The following NCOA5 variants were observed in gnomAD, a reference collection of about 807,000 sequenced individuals.
The protein encoded by NCOA5 is nuclear receptor coactivator 5.
A neutral mutation model predicts 59.0 loss-of-function variants in NCOA5; 12 were observed. The ratio of observed to expected loss-of-function variants is 0.20; its 90% CI spans 0.13 to 0.33. NCOA5 has a LOEUF of 0.33. Ranked by LOEUF, NCOA5 falls within the 10% of genes least tolerant of loss-of-function variation. NCOA5 has a pLI of 1.00. For missense variants in NCOA5, 655 were observed against 766.6 expected (o/e 0.85, Z 1.72); for synonymous variants, 270 against 275.5 (o/e 0.98, Z 0.20).
intron 3 of NCOA5, among the ~76,000 whole-genome samples, chr20:46,070,001 C>A (rs926029873): frequency 3.3e-5 from 5 of 152,198 alleles, no homozygotes; most frequent in Admixed American, 2.6e-4. Context: ...TTCTCCATAC[C>A]TTTCCAACAC....
chr20:46,062,309 C>T lies in NCOA5; in HGVS notation c.1731G>A (p.Arg577=). 6.2e-7 allele frequency: 1 copy of T among 1,612,418 alleles called. No homozygotes were observed. The highest frequency in any genetic ancestry group is 8.5e-7 in the Non-Finnish European group (1 of 1,179,150). Residue 577 remains arginine, a synonymous_variant, in exon 8 of 8, where the codon AGG becomes AGA. Transcript: ENST00000290231. ...GTTGAAAGATTTAGCTTCAGTAATG[C>T]CTCTGGTAAGATCCCATGGGGGCCT... is the stretch of plus-strand genomic sequence containing the variant. ...QPQAPMGSYQ[R]HY
At chr20:46,087,100 A>G (rs184928175) in intron 1 of NCOA5, among the ~76,000 whole-genome samples, 153 of 152,368 alleles carry the variant, frequency 1.0e-3, no homozygotes, top group South Asian at 5.2e-3. Context: ...TATCAGTCTC[A>G]TAAGATGACG....
Position 46,062,458 on chromosome 20 carries a change from C to A in NCOA5, c.1582G>T (p.Val528Leu). 5 of 1,614,152 alleles carry A rather than the reference C, an allele frequency of 3.1e-6. No homozygotes were observed. Among genetic ancestry groups the A allele is most frequent in the Non-Finnish European group, 3.4e-6 (4 of 1,180,034 alleles). Residue 528 changes from valine (V) to leucine (L), a missense_variant, in exon 8 of 8, where the codon GTG (valine) becomes TTG (leucine). Val to Leu is a conservative substitution (Grantham distance 32). Coordinates refer to ENST00000290231, the MANE Select transcript of NCOA5 (RefSeq NM_020967.3). ...PASNMTSQRP[V>L]SSTGINFDNP... ...TCAAAGTTGATACCTGTGGAAGACA[C>A]AGGCCTCTGGCTAGTCATGTTGCTA...
intron 1 of NCOA5, among the ~76,000 whole-genome samples, chr20:46,085,055 G>A (rs147873756): frequency 4.1e-4 from 62 of 152,204 alleles, no homozygotes; most frequent in African/African-American, 1.4e-3. Flanking sequence ...AAAAAGAAAG[G>A]GTCTCAGCTC....
At chr20:46,085,197 AT>A (rs35555539) in intron 1 of NCOA5, among the ~76,000 whole-genome samples, 10,474 of 146,988 alleles carry the variant, frequency 0.071, 722 homozygotes, top group East Asian at 0.24. Flanking sequence ...CACGCAGCTA[AT>A]TTTTTTTTTT....
At chr20:46,073,772 T>C (rs1489004115) in intron 2 of NCOA5, among the ~76,000 whole-genome samples, 1 of 152,234 alleles carries the variant, frequency 6.6e-6, no homozygotes. Context: ...TGTTATGTTA[T>C]GATTGGTCCT....
intron 4 of NCOA5, 114 bp from the exon 5 acceptor site, chr20:46,067,295 TA>T: frequency 8.2e-7 from 1 of 1,218,150 alleles, no homozygotes; most frequent in Non-Finnish European, 1.1e-6. Context: ...GTCTATCTCC[TA>T]AAAACAGCCA....
chr20:46,065,033 C>T lies in NCOA5; in HGVS notation c.825G>A (p.Pro275=), dbSNP rs535789165. 1.7e-5 allele frequency: 28 copies of T among 1,613,982 alleles called. 1 individual carries two copies. In the Middle Eastern group the frequency reaches 8.3e-4, roughly 48 times the overall value. Residue 275 remains proline, a synonymous_variant, in exon 6 of 8, where the codon CCG becomes CCA. Transcript: ENST00000290231. ...SCTVNIMFGT[P]QEHRNMPQAD... is the part of the protein sequence containing the mutation. Reference sequence around the variant, plus strand: ...TCCGGTATTCTGACTCTGTACCTTGCGGGGTTCCAAACATGATGTTGACTG... The same window carrying T: ...TCCGGTATTCTGACTCTGTACCTTGTGGGGTTCCAAACATGATGTTGACTG...
In NCOA5 at chr20:46,074,096, A is replaced by G. The variant is rs188451822; in HGVS notation, c.39-3560T>C. On this transcript the variant is annotated intron_variant, in intron 2 of 7. Transcript: ENST00000290231. ...GCAAAGCCTTTTTTCCTTTCTCCAAAAGATAAACACTATGGTAGACTGCTG... is the reference window on the plus strand; with the variant it reads ...GCAAAGCCTTTTTTCCTTTCTCCAAGAGATAAACACTATGGTAGACTGCTG... Among the ~76,000 whole-genome samples the G allele has an allele frequency of 2.0e-5, 3 of 152,314 alleles. No homozygotes were observed. In the East Asian group the frequency reaches 5.8e-4, roughly 29 times the overall value.
At position 46,062,585 on chromosome 20, in the gene NCOA5, T is replaced by C; in HGVS notation, c.1455A>G (p.Pro485=). 6.2e-7 allele frequency: 1 copy of C among 1,614,152 alleles called. No homozygotes were observed. The highest frequency in any genetic ancestry group is 8.5e-7 in the Non-Finnish European group (1 of 1,180,014). The change falls in exon 8 of 8, where the codon CCA becomes CCG. Residue 485 remains proline (P), a synonymous_variant. Coordinates refer to ENST00000290231, the MANE Select transcript of NCOA5 (RefSeq NM_020967.3). Reference sequence around the variant, plus strand: ...CAGATCCTCCCTGTCCCAAAATGCTTGGAGGCTGATTGCCAGAAGCCTGTG... The same window carrying C: ...CAGATCCTCCCTGTCCCAAAATGCTCGGAGGCTGATTGCCAGAAGCCTGTG... ...QRSQASGNQP[P]SILGQGGSAQ...
chr20:46,071,616 G>A (rs764697703), intron 2 of NCOA5, among the ~76,000 whole-genome samples: 4 of 152,122 alleles, frequency 2.6e-5, no homozygotes, highest in Non-Finnish European at 5.9e-5. Context: ...TAATAAATCT[G>A]ACAGCTATTA....
chr20:46,062,597 G>A lies in NCOA5; in HGVS notation c.1443C>T (p.Gly481=). ...GTCCCAAAATGCTTGGAGGCTGATT[G>A]CCAGAAGCCTGTGATCTTTGTTGAG... ...SQPQQRSQAS[G]NQPPSILGQG... Residue 481 remains glycine (G), a synonymous_variant, in exon 8 of 8, where the codon GGC becomes GGT. Transcript: ENST00000290231. 2 of 1,614,230 alleles carry A rather than the reference G, an allele frequency of 1.2e-6. No homozygotes were observed. Among genetic ancestry groups the A allele is most frequent in the South Asian group, 2.2e-5 (2 of 91,090 alleles).
rs570908399 is a variant in NCOA5, at chr20:46,085,315, C to T, written c.-30+4502G>A. Among the ~76,000 whole-genome samples the T allele has an allele frequency of 3.3e-5, 5 of 152,186 alleles. No individual in the cohort carries two copies. In the South Asian group the frequency reaches 1.0e-3, roughly 32 times the overall value. ...GTGTTGGGATTATAGGCATGAGTCA[C>T]CATGCCTGGCCTGGAGTTCACTGTT... is the stretch of plus-strand genomic sequence containing the variant. On this transcript the variant is annotated intron_variant, in intron 1 of 7. Coordinates refer to ENST00000290231, the MANE Select transcript of NCOA5 (RefSeq NM_020967.3).
At chr20:46,068,721 CA>C (rs2084850601) in intron 3 of NCOA5, 83 bp from the exon 4 acceptor site, 1 of 1,383,218 alleles carries the variant, frequency 7.2e-7, no homozygotes, top group Non-Finnish European at 9.9e-7. Context: ...TGGGATTAGA[CA>C]AATGAGGTTT....
At chr20:46,066,015 A>T (rs183774347) in intron 5 of NCOA5, among the ~76,000 whole-genome samples, 1 of 152,340 alleles carries the variant, frequency 6.6e-6, no homozygotes, top group East Asian at 1.9e-4. Flanking sequence ...AAAGCTCTCT[A>T]GAGTTAAAAG....
rs753106218 is a variant in NCOA5 at position 46,070,468 on chromosome 20, C to T, written c.107G>A (p.Arg36Lys). 6.2e-7 allele frequency: 1 copy of T among 1,614,142 alleles called. No homozygotes were observed. The highest frequency in any genetic ancestry group is 1.7e-5 in the Admixed American group (1 of 60,024). Residue 36 changes from arginine to lysine, a missense_variant, in exon 3 of 8, where the codon AGG becomes AAG. This residue lies in a region of NCOA5 where 250 missense variants were observed against 260.1 expected (regional missense o/e 0.96). Transcript: ENST00000290231. ...RDRSPIRGSP[R>K]REPRDGRNGR... ...ATTTCTGCCATCCCTGGGCTCTCTCCTTGGACTTCCTCGAATTGGGGATCG... is the reference window on the plus strand; with the variant it reads ...ATTTCTGCCATCCCTGGGCTCTCTCTTTGGACTTCCTCGAATTGGGGATCG...
intron 7 of NCOA5, among the ~76,000 whole-genome samples, 186 bp from the exon 8 acceptor site, chr20:46,063,075 C>T (rs927759310): frequency 2.0e-5 from 3 of 152,142 alleles, no homozygotes; most frequent in African/African-American, 7.2e-5. Context: ...GGCTAGTTCC[C>T]CTAGAGAACT....
intron 1 of NCOA5, among the ~76,000 whole-genome samples, chr20:46,085,293 T>C (rs1054443172): frequency 6.6e-6 from 1 of 151,938 alleles, no homozygotes; most frequent in African/African-American, 2.4e-5. Context: ...CCGCAAAGTG[T>C]TGGGATTATA....
Position 46,089,903 on chromosome 20 carries a change from G to A in NCOA5, c.-116C>T, listed in dbSNP as rs929370731. ...GCGTCGGCCCACCTGCCCGCCGTAG[G>A]ACAAAGGCGCCACCAACCGACCGGC... On this transcript the variant is annotated 5_prime_UTR_variant, in exon 1 of 8. Transcript: ENST00000290231. 8 of 152,224 alleles carry A rather than the reference G, an allele frequency of 5.3e-5. No individual in the cohort carries two copies. The highest frequency in any genetic ancestry group is 1.9e-4 in the African/African-American group (8 of 41,458). 9.4% of individuals were successfully genotyped at this position (152,224 alleles called of 1,614,324 possible).
Sources: allele counts gnomAD v4.1 joint callset (sites outside exome capture counted in the v4.1 genomes callset), GRCh38; gene constraint gnomAD v4.1.1; regional missense constraint gnomAD v4.1.1; transcripts MANE v1.5; gene names NCBI Gene and HGNC (gene_info 2026-07-23, HGNC 2026-07-21).